The following GALNT13 variants were observed in gnomAD, a reference collection of about 807,000 sequenced individuals.
The protein encoded by GALNT13 is polypeptide N-acetylgalactosaminyltransferase 13.
Under a neutral mutation model 64.2 loss-of-function variants are expected in GALNT13, and 28 were observed. The observed-to-expected ratio is 0.44, with a 90% CI of 0.32 to 0.60. The LOEUF (loss-of-function observed/expected upper bound fraction) is 0.60, where lower values mean the gene tolerates loss of function less well. Ranked by LOEUF, GALNT13 falls within the 20% of genes least tolerant of loss-of-function variation. The probability of loss-of-function intolerance (pLI) is 0.05; values close to 1 mark genes in which losing one functional copy is unlikely to be tolerated. For missense variants in GALNT13, 577 were observed against 669.8 expected (o/e 0.86, Z 1.53); for synonymous variants, 214 against 224.6 (o/e 0.95, Z 0.42).
chr2:153,674,747 A>T, the GALNT13 span, among the ~76,000 whole-genome samples: 2 of 152,170 alleles, frequency 1.3e-5, no homozygotes, highest in African/African-American at 4.8e-5. Context: ...AGAAACTATC[A>T]TGAGAGTGAA....
chr2:153,985,337 C>T (rs1694728488), intron 3 of GALNT13, among the ~76,000 whole-genome samples: 1 of 151,906 alleles, frequency 6.6e-6, no homozygotes, highest in African/African-American at 2.4e-5. Flanking sequence ...TGCATCCTGC[C>T]CAGACTCTTA....
chr2:154,119,741 G>A (rs529344622), intron 3 of GALNT13, among the ~76,000 whole-genome samples: 1 of 152,060 alleles, frequency 6.6e-6, no homozygotes, highest in South Asian at 2.1e-4. Context: ...TTCAGTTCTG[G>A]TGTATTTTTT....
chr2:153,580,541 C>T, the GALNT13 span, among the ~76,000 whole-genome samples: 1 of 152,062 alleles, frequency 6.6e-6, no homozygotes, highest in Non-Finnish European at 1.5e-5. Context: ...ATCTACATTG[C>T]AGTGGACAAG....
chr2:153,992,121 C>T (rs982181928), intron 3 of GALNT13, among the ~76,000 whole-genome samples: 2 of 152,106 alleles, frequency 1.3e-5, no homozygotes, highest in Non-Finnish European at 2.9e-5. Flanking sequence ...AATATAGTGA[C>T]TTACCATTGT....
At chr2:153,547,599 T>A in the GALNT13 span, among the ~76,000 whole-genome samples, 1 of 152,346 alleles carries the variant, frequency 6.6e-6, no homozygotes, top group South Asian at 2.1e-4. Flanking sequence ...AGTGAGGATA[T>A]ACCAGTGACA....
chr2:153,335,183 C>A, the GALNT13 span, among the ~76,000 whole-genome samples: 1 of 152,208 alleles, frequency 6.6e-6, no homozygotes. Context: ...TCCCAGTCTC[C>A]AGTTGTCTTT....
At chr2:153,502,592 T>G in the GALNT13 span, among the ~76,000 whole-genome samples, 1 of 152,238 alleles carries the variant, frequency 6.6e-6, no homozygotes, top group East Asian at 1.9e-4. Flanking sequence ...TCTTTTTCTC[T>G]GGGTAGATAC....
At chr2:153,080,627 A>G in the GALNT13 span, among the ~76,000 whole-genome samples, 1 of 152,256 alleles carries the variant, frequency 6.6e-6, no homozygotes, top group South Asian at 2.1e-4. Context: ...GGTTTTATAT[A>G]TAAGACCTTG....
At chr2:153,424,543 G>A in the GALNT13 span, among the ~76,000 whole-genome samples, 1 of 151,814 alleles carries the variant, frequency 6.6e-6, no homozygotes, top group Non-Finnish European at 1.5e-5. Flanking sequence ...ATTCCATTAA[G>A]GATATACAAA....
chr2:153,259,847 A>C, the GALNT13 span, among the ~76,000 whole-genome samples: 2 of 151,984 alleles, frequency 1.3e-5, no homozygotes, highest in Non-Finnish European at 2.9e-5. Flanking sequence ...TATTTTTTTA[A>C]ATTATTTTGG....
At chr2:154,211,873 A>C (rs1163471835) in intron 4 of GALNT13, among the ~76,000 whole-genome samples, 1 of 152,080 alleles carries the variant, frequency 6.6e-6, no homozygotes, top group Non-Finnish European at 1.5e-5. Flanking sequence ...AGAGGTTTAA[A>C]GCATGGGTCA....
At chr2:153,285,868 C>T in the GALNT13 span, among the ~76,000 whole-genome samples, 1 of 151,842 alleles carries the variant, frequency 6.6e-6, no homozygotes, top group Non-Finnish European at 1.5e-5. Flanking sequence ...TAATTATTAG[C>T]CAGTGTAATT....
intron 11 of GALNT13, among the ~76,000 whole-genome samples, chr2:154,431,026 T>C (rs1411349819): frequency 6.6e-6 from 1 of 152,234 alleles, no homozygotes; most frequent in East Asian, 1.9e-4. Flanking sequence ...AAAATTCATG[T>C]GCCTTGCTTT....
At chr2:153,546,754 A>C in the GALNT13 span, among the ~76,000 whole-genome samples, 1 of 152,220 alleles carries the variant, frequency 6.6e-6, no homozygotes, top group African/African-American at 2.4e-5. Flanking sequence ...TGTAATTTTC[A>C]GCATGTCTGA....
intron 1 of GALNT13, among the ~76,000 whole-genome samples, chr2:153,888,768 G>T (rs1687354420): frequency 6.6e-6 from 1 of 151,922 alleles, no homozygotes; most frequent in Admixed American, 6.6e-5. Flanking sequence ...TGTACTCACA[G>T]ACAGACAATT....
chr2:154,320,013 T>C (rs1694538616), intron 9 of GALNT13, among the ~76,000 whole-genome samples: 1 of 152,114 alleles, frequency 6.6e-6, no homozygotes, highest in Non-Finnish European at 1.5e-5. Context: ...TATGCATATA[T>C]ATATCCCTCA....
intron 2 of GALNT13, among the ~76,000 whole-genome samples, chr2:153,917,575 A>T (rs1050417463): frequency 2.0e-5 from 3 of 152,174 alleles, no homozygotes; most frequent in African/African-American, 7.2e-5. Context: ...TGAAAAGTGC[A>T]ATAAACTATA....
chr2:153,446,622 A>G, the GALNT13 span, among the ~76,000 whole-genome samples: 1 of 152,190 alleles, frequency 6.6e-6, no homozygotes, highest in African/African-American at 2.4e-5. Flanking sequence ...TACCGTCACT[A>G]TTTTGAATAC....
the GALNT13 span, among the ~76,000 whole-genome samples, chr2:153,103,410 C>T: frequency 6.6e-6 from 1 of 152,178 alleles, no homozygotes; most frequent in Non-Finnish European, 1.5e-5. Flanking sequence ...ACCTTTCCTG[C>T]CCACTCTACA....
Sources: gnomAD v4.1 joint callset for allele counts (sites outside exome capture counted in the v4.1 genomes callset) on GRCh38, gnomAD v4.1.1 for gene constraint, MANE v1.5 for transcripts, NCBI Gene and HGNC (gene_info 2026-07-23, HGNC 2026-07-21) for gene names.